IL1RAP: variants seen among roughly 807,000 people sequenced by gnomAD.
IL1RAP encodes the protein interleukin-1 receptor accessory protein.
In IL1RAP, 35 loss-of-function variants were observed where a neutral mutation model predicts 60.7. That is an observed-to-expected ratio of 0.58 (90% confidence interval 0.44 to 0.76). The LOEUF (loss-of-function observed/expected upper bound fraction) is 0.76, where lower values mean the gene tolerates loss of function less well. Ranked by LOEUF, IL1RAP falls within the 30% of genes least tolerant of loss-of-function variation. The pLI, the probability that IL1RAP is intolerant of heterozygous loss-of-function variation, is 0.00. For synonymous variants in IL1RAP, 268 were observed against 250.9 expected, an observed-to-expected ratio of 1.07 and a Z score of -0.64; for missense variants, 572 against 693.9, an observed-to-expected ratio of 0.82 and a Z score of 1.97.
At chr3:190,538,486 G>A (rs1723653599) in intron 1 of IL1RAP, among the ~76,000 whole-genome samples, 1 of 152,214 alleles carries the variant, frequency 6.6e-6, no homozygotes, top group Admixed American at 6.6e-5. Flanking sequence ...AGGCAGGATG[G>A]AGTGCTTTGC....
At chr3:190,551,679 T>G (rs1031179252) in intron 1 of IL1RAP, among the ~76,000 whole-genome samples, 25 of 152,180 alleles carry the variant, frequency 1.6e-4, no homozygotes, top group African/African-American at 5.8e-4. Flanking sequence ...ACTGTTACAA[T>G]CTCCAAAGTT....
At chr3:190,589,062 A>G (rs1355103912) in intron 3 of IL1RAP, among the ~76,000 whole-genome samples, 1 of 152,110 alleles carries the variant, frequency 6.6e-6, no homozygotes, top group African/African-American at 2.4e-5. Flanking sequence ...TGATCTGTAT[A>G]ATGTGTCATG....
At position 190,605,872 on chromosome 3, in the gene IL1RAP, A is replaced by G. The variant is rs535510942; in HGVS notation, c.350+1459A>G. Among the ~76,000 whole-genome samples the G allele has an allele frequency of 5.3e-5, 8 of 152,312 alleles. No individual in the cohort carries two copies. In the South Asian group the frequency reaches 1.7e-3, roughly 32 times the overall value. On this transcript the variant is annotated intron_variant, in intron 4 of 11. Coordinates refer to ENST00000447382, the MANE Select transcript of IL1RAP (RefSeq NM_002182.4). ...AAAGTCACATTCTAATGTACTGTGA[A>G]TTAGGACCTTAGCATATAAATTGGG...
chr3:190,602,250 C>G (rs1376073023), intron 3 of IL1RAP, among the ~76,000 whole-genome samples: 2 of 152,124 alleles, frequency 1.3e-5, no homozygotes, highest in East Asian at 3.8e-4. Flanking sequence ...CCTTTAGTTC[C>G]TTACTGTAAA....
intron 3 of IL1RAP, among the ~76,000 whole-genome samples, chr3:190,592,216 C>T (rs536552941): frequency 1.6e-3 from 240 of 152,262 alleles, no homozygotes; most frequent in Admixed American, 3.1e-3. Context: ...GACAGGGTTT[C>T]GCCATGTTGG....
chr3:190,581,237 G>A (rs181952976), intron 3 of IL1RAP, among the ~76,000 whole-genome samples: 3 of 152,294 alleles, frequency 2.0e-5, no homozygotes, highest in South Asian at 2.1e-4. Context: ...CCTGGTTTCC[G>A]TATGACTCTC....
chr3:190,573,400 A>G (rs1209499247), intron 3 of IL1RAP, among the ~76,000 whole-genome samples: 3 of 152,326 alleles, frequency 2.0e-5, no homozygotes, highest in East Asian at 3.9e-4. Flanking sequence ...TAGAAACCCA[A>G]CCAATCTATA....
At position 190,595,227 on chromosome 3, in the gene IL1RAP, C is replaced by T. The variant is rs566371287; in HGVS notation, c.65-8901C>T. Among the ~76,000 whole-genome samples, 5 of 152,260 alleles carry T rather than the reference C, an allele frequency of 3.3e-5. No homozygotes were observed. In the East Asian group the frequency reaches 5.8e-4, roughly 18 times the overall value. The stretch of plus-strand genomic sequence containing the variant: ...CACCCATTTAGTATTTGGCACATGA[C>T]GGAATGCTCAGTACATAGTTTTTTA... On this transcript the variant is annotated intron_variant, in intron 3 of 11. Coordinates refer to ENST00000447382, the MANE Select transcript of IL1RAP (RefSeq NM_002182.4).
intron 9 of IL1RAP, among the ~76,000 whole-genome samples, chr3:190,631,260 A>T (rs2193878): frequency 0.074 from 11,258 of 152,234 alleles, 563 homozygotes; most frequent in East Asian, 0.15. Flanking sequence ...GACATAAATT[A>T]ATAACTTATT....
chr3:190,652,353 T>C (rs1372611478), downstream of IL1RAP, among the ~76,000 whole-genome samples: 1 of 151,486 alleles, frequency 6.6e-6, no homozygotes, highest in Non-Finnish European at 1.5e-5. Context: ...TCCCAGCTAC[T>C]CGGGAGGCTA....
At position 190,645,809 on chromosome 3, in the gene IL1RAP, T is replaced by G. The variant is rs1733973789; in HGVS notation, c.1312T>G (p.Cys438Gly). 1 of 1,613,636 alleles carries G rather than the reference T, an allele frequency of 6.2e-7. No individual in the cohort carries two copies. Among genetic ancestry groups the G allele is most frequent in the Non-Finnish European group, 8.5e-7 (1 of 1,179,762 alleles). ...GGAGAATGAATTTGGATACAAGCTG[T>G]GCATCTTTGACCGAGACAGTCTGCC... ...VLENEFGYKL[C>G]IFDRDSLPGG... The change falls in exon 11 of 12, where the codon TGC becomes GGC. Residue 438 changes from cysteine (C) to glycine (G), a missense_variant. Transcript: ENST00000447382.
intron 3 of IL1RAP, among the ~76,000 whole-genome samples, chr3:190,575,541 A>C (rs910797389): frequency 3.3e-5 from 5 of 152,210 alleles, no homozygotes; most frequent in African/African-American, 1.2e-4. Flanking sequence ...GAATTGAGGG[A>C]TGAGAAAGAG....
chr3:190,565,570 G>A (rs1458288777), intron 3 of IL1RAP, among the ~76,000 whole-genome samples: 1 of 152,164 alleles, frequency 6.6e-6, no homozygotes, highest in African/African-American at 2.4e-5. Flanking sequence ...GTACAGCTCA[G>A]TGCTGAAACT....
chr3:190,648,833 T>C lies in IL1RAP; in HGVS notation c.*128T>C. ...TCTAAGCCTCCCAATAGGGATAAAT[T>C]TAGGGTGACTGTGTGGCTGACTATT... is the stretch of plus-strand genomic sequence containing the variant. On this transcript the variant is annotated 3_prime_UTR_variant, in exon 12 of 12. Transcript: ENST00000447382. 6.9e-7 allele frequency: 1 copy of C among 1,440,868 alleles called. No homozygotes were observed. The highest frequency in any genetic ancestry group is 2.5e-5 in the East Asian group (1 of 40,092). 89.3% of individuals were successfully genotyped at this position (1,440,868 alleles called of 1,614,324 possible).
At chr3:190,585,286 A>G (rs16865665) in intron 3 of IL1RAP, among the ~76,000 whole-genome samples, 2,059 of 152,194 alleles carry the variant, frequency 0.014, 50 homozygotes, top group African/African-American at 0.047. Context: ...CACTCTAACC[A>G]TTGTCAAGCA....
At chr3:190,646,171 T>G (rs1412324873) in intron 11 of IL1RAP, among the ~76,000 whole-genome samples, 3 of 152,224 alleles carry the variant, frequency 2.0e-5, no homozygotes. Context: ...TAGGCTAATC[T>G]ACACTGGTTG....
At chr3:190,654,304 G>T (rs1734534164), downstream of IL1RAP, among the ~76,000 whole-genome samples, 1 of 151,676 alleles carries the variant, frequency 6.6e-6, no homozygotes, top group African/African-American at 2.4e-5. Flanking sequence ...CAGGAGCCAG[G>T]AGAAGCAGTA....
rs754403863 is a variant in IL1RAP at position 190,564,363 on chromosome 3, T to C, written c.64+10T>C. 1.3e-6 allele frequency: 2 copies of C among 1,593,688 alleles called. No individual in the cohort carries two copies. Among genetic ancestry groups the C allele is most frequent in the East Asian group, 4.5e-5 (2 of 44,780 alleles). The stretch of plus-strand genomic sequence containing the variant: ...CAAAGTGATGCCTCAGGTAAGTGAA[T>C]GGCTTTTGACAATGTATTAAAATGC... On this transcript the variant is annotated intron_variant, in intron 3 of 11. Coordinates refer to ENST00000447382, the MANE Select transcript of IL1RAP (RefSeq NM_002182.4).
intron 3 of IL1RAP, among the ~76,000 whole-genome samples, chr3:190,597,628 G>A (rs1209134068): frequency 6.6e-6 from 1 of 152,122 alleles, no homozygotes; most frequent in Non-Finnish European, 1.5e-5. Flanking sequence ...AATTCACATG[G>A]CCCCAACCCA....
Sources: allele counts gnomAD v4.1 joint callset (sites outside exome capture counted in the v4.1 genomes callset), GRCh38; gene constraint gnomAD v4.1.1; transcripts MANE v1.5; gene names NCBI Gene and HGNC (gene_info 2026-07-23, HGNC 2026-07-21).